Variants in DGKI observed in about 807,000 individuals in gnomAD.
DGKI encodes diacylglycerol kinase iota.
In DGKI, 55 loss-of-function variants were observed where a neutral mutation model predicts 147.5. That is an observed-to-expected ratio of 0.37 (90% CI 0.30 to 0.47). The LOEUF (loss-of-function observed/expected upper bound fraction) is 0.47, where lower values mean the gene tolerates loss of function less well. Among genes scored for constraint, DGKI ranks in the 20% least tolerant of loss-of-function variants. The pLI is 1.00. For synonymous variants in DGKI, 469 were observed against 477.1 expected, an observed-to-expected ratio of 0.98 and a Z score of 0.22; for missense variants, 1,007 against 1,323.8, an observed-to-expected ratio of 0.76 and a Z score of 3.71.
chr7:137,638,624 A>ATATG (rs1199740243), intron 6 of DGKI, among the ~76,000 whole-genome samples: 849 of 2,072 alleles, frequency 0.41, 182 homozygotes, highest in Middle Eastern at 0.5. Context: ...ACACACACAT[A>ATATG]TATATGTGTG....
At chr7:137,829,153 T>C (rs1798148722) in intron 1 of DGKI, among the ~76,000 whole-genome samples, 1 of 152,230 alleles carries the variant, frequency 6.6e-6, no homozygotes, top group Non-Finnish European at 1.5e-5. Context: ...TCAATATGTC[T>C]GGCAAAGCAG....
At position 137,577,211 on chromosome 7, in the gene DGKI, T is replaced by G. The variant is rs766129064; in HGVS notation, c.1761+11A>C. 9 of 1,570,268 alleles carry G rather than the reference T, an allele frequency of 5.7e-6. No individual in the cohort carries two copies. The highest frequency in any genetic ancestry group is 7.0e-6 in the Non-Finnish European group (8 of 1,148,264). On this transcript the variant is annotated intron_variant, in intron 17 of 32. Coordinates refer to ENST00000614521, the MANE Select transcript of DGKI (RefSeq NM_001321708.2). The stretch of plus-strand genomic sequence containing the variant: ...ATTCAAATTAAATAAATCAACATAT[T>G]CAATACTTACAACAACTTTAACATG...
At chr7:137,823,001 T>C (rs947313853) in intron 1 of DGKI, among the ~76,000 whole-genome samples, 3 of 148,774 alleles carry the variant, frequency 2.0e-5, no homozygotes, top group African/African-American at 7.5e-5. Flanking sequence ...CTATTTAATA[T>C]AAATTCCAGG....
At chr7:137,650,715 C>T (rs1429755765) in intron 5 of DGKI, among the ~76,000 whole-genome samples, 3 of 152,304 alleles carry the variant, frequency 2.0e-5, no homozygotes, top group Middle Eastern at 3.4e-3. Flanking sequence ...CACGCTGGTA[C>T]ATTGATCTTG....
intron 28 of DGKI, among the ~76,000 whole-genome samples, chr7:137,422,339 C>A (rs1023762073): frequency 3.3e-5 from 5 of 152,156 alleles, no homozygotes; most frequent in African/African-American, 1.2e-4. Flanking sequence ...TGGAAAATCT[C>A]TATAACTCAA....
At chr7:137,647,209 T>C (rs1168283584) in intron 5 of DGKI, among the ~76,000 whole-genome samples, 5 of 152,174 alleles carry the variant, frequency 3.3e-5, no homozygotes. Flanking sequence ...TTTTCATGAG[T>C]AGAGATGCCA....
intron 2 of DGKI, among the ~76,000 whole-genome samples, chr7:137,679,431 G>A (rs1823155395): frequency 6.7e-6 from 1 of 150,076 alleles, no homozygotes; most frequent in South Asian, 2.1e-4. Context: ...ATCGTACGAT[G>A]AATAGAATTC....
chr7:137,719,151 A>G (rs1307468724), intron 1 of DGKI, among the ~76,000 whole-genome samples: 1 of 152,090 alleles, frequency 6.6e-6, no homozygotes, highest in Non-Finnish European at 1.5e-5. Flanking sequence ...TCTACCTAGG[A>G]GTCTCTGAAG....
chr7:137,767,583 A>C (rs1407052925), intron 1 of DGKI, among the ~76,000 whole-genome samples: 1 of 147,812 alleles, frequency 6.8e-6, no homozygotes, highest in African/African-American at 2.5e-5. Flanking sequence ...GGAGAAGGAG[A>C]AGAGAAGAGA....
intron 1 of DGKI, among the ~76,000 whole-genome samples, chr7:137,792,483 C>T (rs1286689614): frequency 1.3e-5 from 2 of 152,168 alleles, no homozygotes; most frequent in Non-Finnish European, 2.9e-5. Flanking sequence ...AAGTGCTACT[C>T]GATAGCACCA....
intron 1 of DGKI, among the ~76,000 whole-genome samples, chr7:137,833,315 G>A (rs1327886922): frequency 1.3e-5 from 2 of 152,170 alleles, no homozygotes; most frequent in Non-Finnish European, 2.9e-5. Context: ...CCCATGGCTG[G>A]GGAGACCTCA....
rs558569162 is a variant in DGKI, at chr7:137,673,649, G to T, written c.606+4908C>A. On this transcript the variant is annotated intron_variant, in intron 3 of 32. Coordinates refer to ENST00000614521, the MANE Select transcript of DGKI (RefSeq NM_001321708.2). Reference sequence around the variant, plus strand: ...ACAGCAGGTTTTCAAACCCAGGTCAGTCCACACAAAGTCTATTTCCTTCTG... The same window carrying T: ...ACAGCAGGTTTTCAAACCCAGGTCATTCCACACAAAGTCTATTTCCTTCTG... Among the ~76,000 whole-genome samples the T allele has an allele frequency of 1.8e-4, 28 of 152,290 alleles. No homozygotes were observed. In the South Asian group the frequency reaches 5.4e-3, roughly 29 times the overall value.
In DGKI at chr7:137,846,545, G is replaced by A. The variant is rs777160615; in HGVS notation, c.318C>T (p.Pro106=). The change falls in exon 1 of 33, where the codon CCC becomes CCT. Residue 106 remains proline, a synonymous_variant. Transcript: ENST00000614521. This position sits in a 1 kb window ranked among gnomAD's most constrained non-coding sequence, Gnocchi z 4.0. ...CCTTCTCCTTCTGGCCGGCGGCCGCGGGCTCGTCCAGGGCAGCGGCCCCCG... is the reference window on the plus strand; with the variant it reads ...CCTTCTCCTTCTGGCCGGCGGCCGCAGGCTCGTCCAGGGCAGCGGCCCCCG... ...AAAGAAALDE[P]AAAGQKEKDE... The A allele has an allele frequency of 5.2e-6, 8 of 1,543,760 alleles. No individual in the cohort carries two copies. The highest frequency in any genetic ancestry group is 7.0e-6 in the Non-Finnish European group (8 of 1,148,514).
intron 1 of DGKI, among the ~76,000 whole-genome samples, chr7:137,781,860 G>A (rs1395315072): frequency 6.6e-6 from 1 of 152,200 alleles, no homozygotes; most frequent in Non-Finnish European, 1.5e-5. Flanking sequence ...CATCCTACGA[G>A]TTGAGCATGG....
chr7:137,747,005 T>C (rs991674467), intron 1 of DGKI, among the ~76,000 whole-genome samples: 16 of 152,128 alleles, frequency 1.1e-4, no homozygotes, highest in African/African-American at 3.9e-4. Context: ...TGGGAATTCC[T>C]CAAAATCATT....
At chr7:137,547,850 T>G (rs891805246) in intron 20 of DGKI, among the ~76,000 whole-genome samples, 2 of 152,114 alleles carry the variant, frequency 1.3e-5, no homozygotes, top group African/African-American at 4.8e-5. Flanking sequence ...TTATTAGGAA[T>G]AGTAGCATTT....
rs147596311 is a variant in DGKI at position 137,582,414 on chromosome 7, T to TTCTC, written c.1564-490_1564-487dup. On this transcript the variant is annotated intron_variant, in intron 14 of 32. Transcript: ENST00000614521. ...TTAACTTGTTTATCCATCACCCATT[T>TTCTC]TCTCTCTCTCTCTCTCTCTCTATAT... 1.4e-3 allele frequency among the ~76,000 whole-genome samples: 215 copies of TTCTC among 149,074 alleles called. 2 individuals carry two copies. The highest frequency in any genetic ancestry group is 5.0e-3 in the African/African-American group (198 of 39,670).
At chr7:137,660,941 T>C (rs1822403961) in intron 3 of DGKI, among the ~76,000 whole-genome samples, 1 of 152,118 alleles carries the variant, frequency 6.6e-6, no homozygotes, top group Admixed American at 6.5e-5. Flanking sequence ...CACAGGCCCA[T>C]GATCTATAAA....
At chr7:137,698,193 C>T (rs985348207) in intron 1 of DGKI, among the ~76,000 whole-genome samples, 7 of 151,264 alleles carry the variant, frequency 4.6e-5, no homozygotes, top group Non-Finnish European at 1.0e-4. Flanking sequence ...TAGATAGATC[C>T]ATATCCTGGA....
Sources: allele counts gnomAD v4.1 joint callset (sites outside exome capture counted in the v4.1 genomes callset), GRCh38; gene constraint gnomAD v4.1.1; non-coding constraint Gnocchi (gnomAD v3.1); transcripts MANE v1.5; gene names NCBI Gene and HGNC (gene_info 2026-07-23, HGNC 2026-07-21).